The following SYNRG variants were observed in gnomAD, a reference collection of about 807,000 sequenced individuals.
The protein encoded by SYNRG is AP1 gamma subunit binding protein 1.
Under a neutral mutation model 130.9 loss-of-function variants are expected in SYNRG, and 37 were observed. The observed-to-expected ratio is 0.28, with a 90% CI of 0.22 to 0.37. The LOEUF is 0.37. Ranked by LOEUF, SYNRG falls within the 10% of genes least tolerant of loss-of-function variation. The pLI, the probability that SYNRG is intolerant of heterozygous loss-of-function variation, is 1.00. For missense variants in SYNRG, 1,338 were observed against 1,588.9 expected (o/e 0.84, Z 2.68); for synonymous variants, 539 against 568.1 (o/e 0.95, Z 0.73).
intron 19 of SYNRG, among the ~76,000 whole-genome samples, chr17:37,533,009 C>A (rs1379413144): frequency 1.3e-5 from 2 of 152,090 alleles, no homozygotes; most frequent in Non-Finnish European, 2.9e-5. Flanking sequence ...AAAACTGTTG[C>A]TTTATTTACT....
chr17:37,523,630 T>A (rs1204633724), intron 19 of SYNRG, among the ~76,000 whole-genome samples: 3 of 152,176 alleles, frequency 2.0e-5, no homozygotes, highest in African/African-American at 7.2e-5. Context: ...AGAGGGCTCA[T>A]CCTCACTCTA....
chr17:37,584,873 A>C, intron 5 of SYNRG, 114 bp from the exon 6 acceptor site: 1 of 734,868 alleles, frequency 1.4e-6, no homozygotes, highest in East Asian at 2.7e-5. Flanking sequence ...TTTACCACAT[A>C]CTTCTGATAA....
intron 21 of SYNRG, 119 bp from the exon 22 acceptor site, chr17:37,519,190 C>T: frequency 7.4e-7 from 1 of 1,356,072 alleles, no homozygotes. Context: ...CAAAATGGCA[C>T]ACACATAAAA....
At chr17:37,573,956 AG>A (rs2060626211) in intron 8 of SYNRG, among the ~76,000 whole-genome samples, 1 of 152,170 alleles carries the variant, frequency 6.6e-6, no homozygotes, top group African/African-American at 2.4e-5. Context: ...CTGAGCAAAA[AG>A]AACAAAACTG....
chr17:37,585,194 A>G, intron 5 of SYNRG, 131 bp downstream of exon 5: 1 of 726,346 alleles, frequency 1.4e-6, no homozygotes, highest in Non-Finnish European at 2.3e-6. Flanking sequence ...AATTAGGTAA[A>G]CCAAAATGAG....
chr17:37,589,511 G>A (rs1444401205), intron 3 of SYNRG, among the ~76,000 whole-genome samples: 1 of 152,304 alleles, frequency 6.6e-6, no homozygotes, highest in East Asian at 1.9e-4. Flanking sequence ...AGCACTTTGG[G>A]AGGCCGAGGT....
At chr17:37,551,901 A>G (rs1004455559) in intron 14 of SYNRG, among the ~76,000 whole-genome samples, 2 of 151,604 alleles carry the variant, frequency 1.3e-5, no homozygotes, top group Non-Finnish European at 2.9e-5. Flanking sequence ...GACAGAAAGT[A>G]GACAGTCAAG....
chr17:37,526,463 C>T (rs986992804), intron 19 of SYNRG, among the ~76,000 whole-genome samples: 6 of 152,224 alleles, frequency 3.9e-5, no homozygotes, highest in African/African-American at 1.4e-4. Context: ...TGCTTGGTTA[C>T]AATGTCTTGT....
At chr17:37,519,215 T>A in intron 21 of SYNRG, 144 bp from the exon 22 acceptor site, 1 of 1,103,324 alleles carries the variant, frequency 9.1e-7, no homozygotes, top group Non-Finnish European at 1.3e-6. Flanking sequence ...AGCGGATAGC[T>A]ACAGGAATTC....
rs932293295 is a variant in SYNRG at position 37,548,004 on chromosome 17, A to G, written c.2608+5111T>C. 1.2e-4 allele frequency among the ~76,000 whole-genome samples: 19 copies of G among 152,364 alleles called. 1 individual carries two copies. In the South Asian group the frequency reaches 3.1e-3, roughly 25 times the overall value. ...TACATTATATTAAAACTACCTCCCT[A>G]AAAAGTAATGTTACTTTGGAAATAC... On this transcript the variant is annotated intron_variant, in intron 14 of 21. Coordinates refer to ENST00000612223, the MANE Select transcript of SYNRG (RefSeq NM_007247.6).
chr17:37,556,835 C>T (rs542802963), intron 13 of SYNRG, among the ~76,000 whole-genome samples: 6 of 152,306 alleles, frequency 3.9e-5, no homozygotes, highest in South Asian at 2.1e-4. Flanking sequence ...AGGTGATAAG[C>T]GGCCATTTTT....
chr17:37,606,245 T>C (rs1446608121), intron 1 of SYNRG, among the ~76,000 whole-genome samples: 1 of 152,186 alleles, frequency 6.6e-6, no homozygotes, highest in East Asian at 1.9e-4. Context: ...TCTGTGACGA[T>C]CTCTTGACCG....
At chr17:37,540,306 GAC>G in intron 16 of SYNRG, 72 bp downstream of exon 16, 1 of 1,538,146 alleles carries the variant, frequency 6.5e-7, no homozygotes, top group Non-Finnish European at 8.8e-7. Flanking sequence ...TGTGAAAGCT[GAC>G]AGCATTCTTT....
At position 37,600,672 on chromosome 17, in the gene SYNRG, T is replaced by C. The variant is rs922788402; in HGVS notation, c.78-269A>G. On this transcript the variant is annotated intron_variant, in intron 1 of 21. Transcript: ENST00000612223. ...CTTCGTGTCCTCTCTGGATTCCAGT[T>C]TCCCCATCTATAAAATGAGAGAGTT... 8 of 562,400 alleles carry C rather than the reference T, an allele frequency of 1.4e-5. No homozygotes were observed. The Admixed American group carries it at 2.6e-4, about 18-fold the overall frequency. 34.8% of individuals were successfully genotyped at this position (562,400 alleles called of 1,614,324 possible). A position where few individuals can be genotyped will look rare whatever the true frequency, so the allele number is the denominator to read the frequency against.
chr17:37,609,387 C>T lies in SYNRG; in HGVS notation c.-32G>A. On this transcript the variant is annotated 5_prime_UTR_variant, in exon 1 of 22. Transcript: ENST00000612223. ...CCCGACCTGCCGCTGCCTTCGCCGC[C>T]GCCACCTTATCAGCAGCTGTCAGCT... 1 of 1,399,858 alleles carries T rather than the reference C, an allele frequency of 7.1e-7. No homozygotes were observed. Among genetic ancestry groups the T allele is most frequent in the Non-Finnish European group, 9.3e-7 (1 of 1,080,770 alleles). The allele number at this position is 1,399,858 out of a possible 1,614,324, so 86.7% of individuals were successfully genotyped here.
intron 19 of SYNRG, chr17:37,529,702 C>G: frequency 7.3e-7 from 1 of 1,368,262 alleles, no homozygotes; most frequent in Non-Finnish European, 1.0e-6. Flanking sequence ...AGTAAACGCA[C>G]AGCAGCAACC....
At chr17:37,608,888 T>A (rs1009098293) in intron 1 of SYNRG, among the ~76,000 whole-genome samples, 3 of 152,060 alleles carry the variant, frequency 2.0e-5, no homozygotes, top group African/African-American at 7.3e-5. Flanking sequence ...CCCTCCAACA[T>A]ATCCGGTTAA....
intron 6 of SYNRG, among the ~76,000 whole-genome samples, chr17:37,581,852 C>T (rs893870823): frequency 6.6e-5 from 10 of 151,558 alleles, no homozygotes; most frequent in African/African-American, 2.4e-4. Context: ...GCAACCTCTG[C>T]CTCCTGGGTT....
At chr17:37,535,590 T>C (rs1382152307) in intron 19 of SYNRG, among the ~76,000 whole-genome samples, 3 of 152,300 alleles carry the variant, frequency 2.0e-5, no homozygotes, top group Non-Finnish European at 2.9e-5. Context: ...AAAGAAGGGC[T>C]AAACAAACTA....
Sources: allele counts gnomAD v4.1 joint callset (sites outside exome capture counted in the v4.1 genomes callset), GRCh38; gene constraint gnomAD v4.1.1; transcripts MANE v1.5; gene names NCBI Gene and HGNC (gene_info 2026-07-23, HGNC 2026-07-21).